GLUD1: variants seen among roughly 807,000 people sequenced by gnomAD.
GLUD1 encodes glutamate dehydrogenase 1, mitochondrial.
In GLUD1, 22 loss-of-function variants were observed where a neutral mutation model predicts 56.0. That is an observed-to-expected ratio of 0.39 (90% CI 0.28 to 0.56). The LOEUF (loss-of-function observed/expected upper bound fraction) is 0.56. Among genes scored for constraint, GLUD1 ranks in the 20% least tolerant of loss-of-function variants. The pLI is 0.58. For synonymous variants in GLUD1, 223 were observed against 269.9 expected, an observed-to-expected ratio of 0.83 and a Z score of 1.70; for missense variants, 451 against 732.0, an observed-to-expected ratio of 0.62 and a Z score of 4.43.
intron 11 of GLUD1, among the ~76,000 whole-genome samples, chr10:87,056,437 G>A (rs938893947): frequency 6.6e-6 from 1 of 151,838 alleles, no homozygotes; most frequent in East Asian, 2.0e-4. Flanking sequence ...GGGACTACAG[G>A]TGCGTGCCAC....
chr10:87,080,307 G>A (rs1224291703), intron 1 of GLUD1, among the ~76,000 whole-genome samples: 3 of 151,940 alleles, frequency 2.0e-5, no homozygotes, highest in South Asian at 2.1e-4. Context: ...CCTCCCAGCC[G>A]CCTGCCTTGG....
At chr10:87,061,619 A>T (rs772641097) in intron 6 of GLUD1, among the ~76,000 whole-genome samples, 212 of 142,620 alleles carry the variant, frequency 1.5e-3, no homozygotes, top group Non-Finnish European at 2.7e-3. Flanking sequence ...GAGAAATACA[A>T]TTTTTTTTTT....
In GLUD1 at chr10:87,062,823, G is replaced by A. The variant is rs1244417308; in HGVS notation, c.754C>T (p.His252Tyr). The change falls in exon 6 of 13, where the codon CAC becomes TAC. Residue 252 changes from histidine to tyrosine, a missense_variant. His to Tyr is a moderately conservative substitution (Grantham distance 83). Transcript: ENST00000277865. Reference protein sequence around the residue: ...STIGHYDINAHACVTGKPISQ... With the variant: ...STIGHYDINAYACVTGKPISQ... ...ATGGGTTTACCAGTAACACAGGCGTGTGCATTAATATCCTGTAAGAGGGGG... is the reference window on the plus strand; with the variant it reads ...ATGGGTTTACCAGTAACACAGGCGTATGCATTAATATCCTGTAAGAGGGGG... 1 of 1,613,996 alleles carries A rather than the reference G, an allele frequency of 6.2e-7. No homozygotes were observed. The highest frequency in any genetic ancestry group is 1.3e-5 in the African/African-American group (1 of 75,030).
chr10:87,056,203 A>T (rs7083075), intron 11 of GLUD1, among the ~76,000 whole-genome samples: 54,065 of 150,058 alleles, frequency 0.36, 11,331 homozygotes, highest in East Asian at 0.7. Flanking sequence ...AGTGAATATT[A>T]CCTAAGATGT....
Position 87,075,924 on chromosome 10 carries a change from AAACAAC to A in GLUD1, c.582+38_582+43del, listed in dbSNP as rs762147474. 3.7e-6 allele frequency: 5 copies of A among 1,337,138 alleles called. No homozygotes were observed. In the Admixed American group the frequency reaches 8.4e-5, roughly 22 times the overall value. 82.8% of individuals were successfully genotyped at this position (1,337,138 alleles called of 1,614,324 possible). ...GGAAGACTCTGTCTCAGAAAAACAA[AAACAAC>A]AACAACAATAAAAAACAAATATCAC... On this transcript the variant is annotated intron_variant, in intron 3 of 12. Coordinates refer to ENST00000277865, the MANE Select transcript of GLUD1 (RefSeq NM_005271.5).
intron 1 of GLUD1, chr10:87,089,773 G>A: frequency 1.1e-6 from 1 of 948,612 alleles, no homozygotes; most frequent in Non-Finnish European, 1.3e-6. Flanking sequence ...ACTTGAATCT[G>A]TATTAATTTC....
chr10:87,094,170 C>G lies in GLUD1; in HGVS notation c.445+155G>C. 1 of 1,388,996 alleles carries G rather than the reference C, an allele frequency of 7.2e-7. No individual in the cohort carries two copies. The highest frequency in any genetic ancestry group is 2.5e-5 in the East Asian group (1 of 39,714). 86.0% of individuals were successfully genotyped at this position (1,388,996 alleles called of 1,614,324 possible). A position where few individuals can be genotyped will look rare whatever the true frequency, so the allele number is the denominator to read the frequency against. ...GGCGGAAAAATCACCATCCACAGAG[C>G]CGGCCACATCCGAGGCGGGGTGACC... On this transcript the variant is annotated intron_variant, in intron 1 of 12. Transcript: ENST00000277865. The surrounding 1 kb of genome is among the most constrained non-coding windows in gnomAD (Gnocchi z 6.6).
At chr10:87,081,015 A>G (rs1274640658) in intron 1 of GLUD1, among the ~76,000 whole-genome samples, 1 of 73,904 alleles carries the variant, frequency 1.4e-5, no homozygotes, top group African/African-American at 4.9e-5. Flanking sequence ...TCCGGGAGGG[A>G]GGTGGGGGGT....
At chr10:87,081,233 G>A (rs1486626246) in intron 1 of GLUD1, among the ~76,000 whole-genome samples, 36 of 150,090 alleles carry the variant, frequency 2.4e-4, no homozygotes, top group Non-Finnish European at 4.2e-4. Flanking sequence ...CGCCTCTTCT[G>A]GGAGGTGAGG....
rs1009491403 is a variant in GLUD1, at chr10:87,050,734, C to G, written c.*1017G>C. 3 of 152,188 alleles carry G rather than the reference C, an allele frequency of 2.0e-5. No homozygotes were observed. Among genetic ancestry groups the G allele is most frequent in the African/African-American group, 7.2e-5 (3 of 41,434 alleles). The allele number at this position is 152,188 out of a possible 1,614,324, so 9.4% of individuals were successfully genotyped here. ...TGTTAGTGAAGCTGGGTGCAGAATG[C>G]AAAGCCTCTAAAAGGAGAGGATACA... is the stretch of plus-strand genomic sequence containing the variant. On this transcript the variant is annotated 3_prime_UTR_variant, in exon 13 of 13. Transcript: ENST00000277865.
Position 87,094,508 on chromosome 10 carries a change from C to A in GLUD1, c.262G>T (p.Asp88Tyr). Reference protein sequence around the residue: ...ASIVEDKLVEDLRTRESEEQK... With the variant: ...ASIVEDKLVEYLRTRESEEQK... The stretch of plus-strand genomic sequence containing the variant: ...TCCTCGCTCTCCCGGGTCCTCAGGT[C>A]CTCCACCAGCTTGTCCTCCACGATG... Residue 88 changes from aspartate to tyrosine, a missense_variant, in exon 1 of 13, where the codon GAC (aspartate) becomes TAC (tyrosine). Around this residue, in one of 4 missense-constraint regions of GLUD1, gnomAD observed 158 missense variants for 189.7 expected, o/e 0.83. Coordinates refer to ENST00000277865, the MANE Select transcript of GLUD1 (RefSeq NM_005271.5). The surrounding 1 kb of genome is among the most constrained non-coding windows in gnomAD (Gnocchi z 6.6). 2.5e-6 allele frequency: 4 copies of A among 1,613,352 alleles called. No homozygotes were observed. Among genetic ancestry groups the A allele is most frequent in the African/African-American group, 2.7e-5 (2 of 75,040 alleles).
At chr10:87,061,445 G>C (rs897804157) in intron 6 of GLUD1, among the ~76,000 whole-genome samples, 1 of 152,022 alleles carries the variant, frequency 6.6e-6, no homozygotes, top group Admixed American at 6.6e-5. Flanking sequence ...TTGAACCTGG[G>C]AGGTGGAGGT....
Position 87,093,175 on chromosome 10 carries a change from T to C in GLUD1, c.445+1150A>G, listed in dbSNP as rs573034876. Among the ~76,000 whole-genome samples, 4 of 152,322 alleles carry C rather than the reference T, an allele frequency of 2.6e-5. No individual in the cohort carries two copies. In the East Asian group the frequency reaches 7.7e-4, roughly 29 times the overall value. On this transcript the variant is annotated intron_variant, in intron 1 of 12. Coordinates refer to ENST00000277865, the MANE Select transcript of GLUD1 (RefSeq NM_005271.5). ...TTTTTTCCGGTACAGAGAGGATTTC[T>C]AAAAATCCTCATAAGTCAGCGGGCA... is the stretch of plus-strand genomic sequence containing the variant.
rs762439924 is a variant in GLUD1 at position 87,072,392 on chromosome 10, G to A, written c.646+2159C>T. On this transcript the variant is annotated intron_variant, in intron 4 of 12. Transcript: ENST00000277865. ...TTACAAGCTGATGCTAAACACACAT[G>A]TGACAGGATCAGGGTTCAGGCTCAG... Among the ~76,000 whole-genome samples the A allele has an allele frequency of 5.9e-5, 9 of 152,272 alleles. No individual in the cohort carries two copies. The South Asian group carries it at 1.0e-3, about 18-fold the overall frequency.
intron 6 of GLUD1, among the ~76,000 whole-genome samples, chr10:87,061,672 A>G (rs1335677991): frequency 6.6e-6 from 1 of 151,658 alleles, no homozygotes; most frequent in Non-Finnish European, 1.5e-5. Flanking sequence ...GCTGGAGTGC[A>G]ATGGCACAAT....
chr10:87,071,903 C>A (rs1338130933), intron 4 of GLUD1, among the ~76,000 whole-genome samples: 1 of 151,928 alleles, frequency 6.6e-6, no homozygotes, highest in Non-Finnish European at 1.5e-5. Flanking sequence ...TACAAAACAT[C>A]ATTGAAAGAA....
intron 11 of GLUD1, among the ~76,000 whole-genome samples, chr10:87,055,842 G>C (rs979713127): frequency 6.6e-6 from 1 of 152,098 alleles, no homozygotes; most frequent in Non-Finnish European, 1.5e-5. Flanking sequence ...ACGGCCGGGC[G>C]CGGTGGCTCA....
In GLUD1 at chr10:87,094,652, C is replaced by G; in HGVS notation, c.118G>C (p.Ala40Pro). The change falls in exon 1 of 13, where the codon GCC becomes CCC. Residue 40 changes from alanine to proline, a missense_variant. Physicochemically the swap from Ala to Pro is conservative, Grantham distance 27. This residue lies in a region of GLUD1 where 158 missense variants were observed against 189.7 expected (regional missense o/e 0.83). Transcript: ENST00000277865. The surrounding 1 kb of genome is among the most constrained non-coding windows in gnomAD (Gnocchi z 6.6). The part of the protein sequence containing the change: ...LGWARGQPAA[A>P]PQPGLALAAR... ...GCCAATGCCAGCCCCGGCTGCGGGG[C>G]GGCGGCGGGCTGTCCCCGGGCCCAG... 6.3e-7 allele frequency: 1 copy of G among 1,597,598 alleles called. No homozygotes were observed. Among genetic ancestry groups the G allele is most frequent in the Non-Finnish European group, 8.5e-7 (1 of 1,173,050 alleles).
chr10:87,063,897 G>A (rs77268243), intron 5 of GLUD1, among the ~76,000 whole-genome samples: 1 of 142,476 alleles, frequency 7.0e-6, no homozygotes, highest in Non-Finnish European at 1.5e-5. Context: ...TTTTTTTTTT[G>A]AGACGGAGTC....
Sources: allele counts gnomAD v4.1 joint callset (sites outside exome capture counted in the v4.1 genomes callset), GRCh38; gene constraint gnomAD v4.1.1; regional missense constraint gnomAD v4.1.1; non-coding constraint Gnocchi (gnomAD v3.1); transcripts MANE v1.5; gene names NCBI Gene and HGNC (gene_info 2026-07-23, HGNC 2026-07-21).